Variants in C12orf56 observed in about 807,000 individuals in gnomAD.
C12orf56 encodes uncharacterized protein C12orf56.
A neutral mutation model predicts 69.9 loss-of-function variants in C12orf56; 71 were observed. The observed-to-expected ratio is 1.02, with a 90% CI of 0.84 to 1.24. The LOEUF (loss-of-function observed/expected upper bound fraction) is 1.24, where lower values mean the gene tolerates loss of function less well. Ranked by LOEUF, C12orf56 falls within the 50% of genes most tolerant of loss-of-function variation. The probability of loss-of-function intolerance (pLI) is 0.00; values close to 1 mark genes in which losing one functional copy is unlikely to be tolerated. For synonymous variants in C12orf56, 276 were observed against 274.1 expected (o/e 1.01, Z -0.07); for missense variants, 732 against 738.5 (o/e 0.99, Z 0.10).
chr12:64,350,716 G>A (rs2039211180), intron 2 of C12orf56, among the ~76,000 whole-genome samples: 1 of 152,186 alleles, frequency 6.6e-6, no homozygotes, highest in Non-Finnish European at 1.5e-5. Flanking sequence ...CCCCTGGCTG[G>A]GCTCAGTTTT....
rs1555190211 is a variant in C12orf56, at chr12:64,328,732, T to TATATATATAG, written c.488+2227_488+2228insCTATATATAT. On this transcript the variant is annotated intron_variant, in intron 3 of 12. Transcript: ENST00000543942. ...ATATATATATATATATATATATATA[T>TATATATATAG]ATATAGTATCACACTTTAACTTATG... is the stretch of plus-strand genomic sequence containing the variant. 6.3e-4 allele frequency among the ~76,000 whole-genome samples: 67 copies of TATATATATAG among 107,154 alleles called. 1 individual carries two copies. The highest frequency in any genetic ancestry group is 7.7e-4 in the Non-Finnish European group (40 of 52,022). The allele number at this position is 107,154 out of a possible 152,430, so 70.3% of individuals were successfully genotyped here.
At chr12:64,367,861 G>A (rs2135969481) in intron 1 of C12orf56, among the ~76,000 whole-genome samples, 1 of 149,386 alleles carries the variant, frequency 6.7e-6, no homozygotes, top group South Asian at 2.1e-4. Flanking sequence ...AGGCTGGAGT[G>A]CAGTGGCACA....
chr12:64,341,384 G>A (rs2039072184), intron 2 of C12orf56, among the ~76,000 whole-genome samples: 1 of 152,130 alleles, frequency 6.6e-6, no homozygotes, highest in Non-Finnish European at 1.5e-5. Context: ...GAGCATACAT[G>A]GCCTTCTGGA....
At chr12:64,311,944 A>C (rs1192223318) in intron 5 of C12orf56, among the ~76,000 whole-genome samples, 1 of 152,202 alleles carries the variant, frequency 6.6e-6, no homozygotes, top group African/African-American at 2.4e-5. Context: ...ATAACTGGGC[A>C]TGAGCGAGTG....
intron 2 of C12orf56, chr12:64,338,401 G>A (rs544499798): frequency 1.9e-5 from 14 of 720,996 alleles, no homozygotes; most frequent in Admixed American, 1.4e-4. Flanking sequence ...CATCAACATC[G>A]TTTTTGGTGG....
chr12:64,366,814 A>T (rs1281437160), intron 1 of C12orf56, among the ~76,000 whole-genome samples: 1 of 93,512 alleles, frequency 1.1e-5, no homozygotes, highest in Non-Finnish European at 1.9e-5. Flanking sequence ...ATTATATATA[A>T]CATACAGTTT....
At chr12:64,308,895 A>AG in intron 5 of C12orf56, among the ~76,000 whole-genome samples, 1 of 59,944 alleles carries the variant, frequency 1.7e-5, no homozygotes, top group African/African-American at 6.7e-5. Flanking sequence ...AAAGGAAGAA[A>AG]GAAAGAAAGA....
chr12:64,384,911 G>A lies in C12orf56; in HGVS notation c.252+5403C>T, dbSNP rs978818079. On this transcript the variant is annotated intron_variant, in intron 1 of 12. Coordinates refer to ENST00000543942, the MANE Select transcript of C12orf56 (RefSeq NM_001170633.2). ...TCTACTAAAAACACAAAAATTAACCGGGTGTGGTGGTGCGAGCCTGTAATC... is the reference window on the plus strand; with the variant it reads ...TCTACTAAAAACACAAAAATTAACCAGGTGTGGTGGTGCGAGCCTGTAATC... 7.9e-5 allele frequency among the ~76,000 whole-genome samples: 12 copies of A among 152,022 alleles called. No individual in the cohort carries two copies. The South Asian group carries it at 1.0e-3, about 13-fold the overall frequency.
Position 64,323,565 on chromosome 12 carries a change from CT to C in C12orf56, c.489-4586del, listed in dbSNP as rs375927934. Reference sequence around the variant, plus strand: ...CTAAAACAACTACTGCAAACATTTCCTTTTTTTTTTTTTGCCAAGACAGGGT... The same window carrying C: ...CTAAAACAACTACTGCAAACATTTCCTTTTTTTTTTTTGCCAAGACAGGGT... On this transcript the variant is annotated intron_variant, in intron 3 of 12. Transcript: ENST00000543942. Among the ~76,000 whole-genome samples the C allele has an allele frequency of 6.3e-4, 82 of 130,728 alleles. 1 individual carries two copies. Among genetic ancestry groups the C allele is most frequent in the Admixed American group, 7.2e-4 (9 of 12,442 alleles). The allele number at this position is 130,728 out of a possible 152,430, so 85.8% of individuals were successfully genotyped here. A position where few individuals can be genotyped will look rare whatever the true frequency, so the allele number is the denominator to read the frequency against.
chr12:64,328,216 A>G (rs1463833797), intron 3 of C12orf56, among the ~76,000 whole-genome samples: 1 of 152,140 alleles, frequency 6.6e-6, no homozygotes, highest in Non-Finnish European at 1.5e-5. Flanking sequence ...TTTTCCGAAC[A>G]GCATTTTGCA....
intron 8 of C12orf56, among the ~76,000 whole-genome samples, chr12:64,283,546 A>C (rs1185341252): frequency 6.6e-6 from 1 of 152,166 alleles, no homozygotes. Context: ...TCCTGCAGCT[A>C]GGTGTGGCCA....
chr12:64,320,659 T>C (rs966670292), intron 3 of C12orf56, among the ~76,000 whole-genome samples: 4 of 152,184 alleles, frequency 2.6e-5, no homozygotes, highest in Admixed American at 1.3e-4. Flanking sequence ...CAGAGTATGG[T>C]GAGACCTAAA....
At chr12:64,337,510 T>C (rs1013813482) in intron 2 of C12orf56, among the ~76,000 whole-genome samples, 12 of 152,148 alleles carry the variant, frequency 7.9e-5, no homozygotes, top group African/African-American at 2.9e-4. Context: ...CTGAAGGTGC[T>C]TGAGAGACAG....
chr12:64,308,956 A>T lies in C12orf56; in HGVS notation c.968+3723T>A, dbSNP rs1858124786. On this transcript the variant is annotated intron_variant, in intron 5 of 12. Coordinates refer to ENST00000543942, the MANE Select transcript of C12orf56 (RefSeq NM_001170633.2). ...AGAAAGAAAGAAGAAAGAAAGAAAG[A>T]AAGAAAGAAAGAAAGAAAAGAAAGA... Among the ~76,000 whole-genome samples the T allele has an allele frequency of 1.8e-5, 2 of 112,922 alleles. 1 individual carries two copies. The highest frequency in any genetic ancestry group is 3.8e-5 in the Non-Finnish European group (2 of 53,168). 74.1% of individuals were successfully genotyped at this position (112,922 alleles called of 152,430 possible). A position where few individuals can be genotyped will look rare whatever the true frequency, so the allele number is the denominator to read the frequency against.
At chr12:64,302,938 C>T (rs1346036432) in intron 6 of C12orf56, among the ~76,000 whole-genome samples, 1 of 152,084 alleles carries the variant, frequency 6.6e-6, no homozygotes, top group African/African-American at 2.4e-5. Context: ...GAGTTTGAGA[C>T]CAGACTGGGC....
At position 64,347,284 on chromosome 12, in the gene C12orf56, C is replaced by CTTTT. The variant is rs35011865; in HGVS notation, c.415+5606_415+5609dup. 1.7e-4 allele frequency among the ~76,000 whole-genome samples: 21 copies of CTTTT among 121,806 alleles called. 3 individuals carry two copies. Among genetic ancestry groups the CTTTT allele is most frequent in the Admixed American group, 2.7e-4 (3 of 11,132 alleles). 79.9% of individuals were successfully genotyped at this position (121,806 alleles called of 152,430 possible). A position where few individuals can be genotyped will look rare whatever the true frequency, so the allele number is the denominator to read the frequency against. The stretch of plus-strand genomic sequence containing the variant: ...TGAGCCACCATGCCCAGCCTAGTAA[C>CTTTT]TTTTTTTTTTTTTTTTTTTGAGACA... On this transcript the variant is annotated intron_variant, in intron 2 of 12. Coordinates refer to ENST00000543942, the MANE Select transcript of C12orf56 (RefSeq NM_001170633.2).
chr12:64,266,866 T>A lies in C12orf56; in HGVS notation c.*317A>T, dbSNP rs1219150371. 3.0e-6 allele frequency: 1 copy of A among 329,414 alleles called. No individual in the cohort carries two copies. Among genetic ancestry groups the A allele is most frequent in the African/African-American group, 2.2e-5 (1 of 46,150 alleles). The allele number at this position is 329,414 out of a possible 1,614,324, so 20.4% of individuals were successfully genotyped here. Reference sequence around the variant, plus strand: ...AGTACAGCTTTCCTAAATCCCTGCATTCCTTTTTCCTGTGTCTTGATGGAT... The same window carrying A: ...AGTACAGCTTTCCTAAATCCCTGCAATCCTTTTTCCTGTGTCTTGATGGAT... On this transcript the variant is annotated 3_prime_UTR_variant, in exon 13 of 13. Coordinates refer to ENST00000543942, the MANE Select transcript of C12orf56 (RefSeq NM_001170633.2).
At position 64,308,954 on chromosome 12, in the gene C12orf56, AG is replaced by A. The variant is rs1183776802; in HGVS notation, c.968+3724del. 1.4e-3 allele frequency among the ~76,000 whole-genome samples: 167 copies of A among 116,060 alleles called. 5 individuals are homozygous for A. Among genetic ancestry groups the A allele is most frequent in the Non-Finnish European group, 2.5e-3 (138 of 54,898 alleles). 76.1% of individuals were successfully genotyped at this position (116,060 alleles called of 152,430 possible). Reference sequence around the variant, plus strand: ...AAAGAAAGAAAGAAGAAAGAAAGAAAGAAAGAAAGAAAGAAAGAAAAGAAAG... The same window carrying A: ...AAAGAAAGAAAGAAGAAAGAAAGAAAAAAGAAAGAAAGAAAGAAAAGAAAG... On this transcript the variant is annotated intron_variant, in intron 5 of 12. Coordinates refer to ENST00000543942, the MANE Select transcript of C12orf56 (RefSeq NM_001170633.2).
rs534894017 is a variant in C12orf56 at position 64,287,243 on chromosome 12, CAAAAA to C, written c.1114-1188_1114-1184del. 3.7e-3 allele frequency among the ~76,000 whole-genome samples: 361 copies of C among 98,722 alleles called. 2 individuals carry two copies. The highest frequency in any genetic ancestry group is 0.011 in the African/African-American group (263 of 24,142). 64.8% of individuals were successfully genotyped at this position (98,722 alleles called of 152,430 possible). A position where few individuals can be genotyped will look rare whatever the true frequency, so the allele number is the denominator to read the frequency against. On this transcript the variant is annotated intron_variant, in intron 6 of 12. Transcript: ENST00000543942. ...TGGGCAAGAGTGAGTGAGACTCCAT[CAAAAA>C]AAAAAAAAAAAAAAAGAAGAAGAAG...
Sources: gnomAD v4.1 joint callset for allele counts (sites outside exome capture counted in the v4.1 genomes callset) on GRCh38, gnomAD v4.1.1 for gene constraint, MANE v1.5 for transcripts, NCBI Gene and HGNC (gene_info 2026-07-23, HGNC 2026-07-21) for gene names.